SRP19: variants seen among roughly 807,000 people sequenced by gnomAD.
SRP19 encodes the protein signal recognition particle 19 kDa protein.
SRP19 carries 11 observed loss-of-function variants against 22.4 expected under a neutral mutation model. The ratio of observed to expected loss-of-function variants is 0.49; its 90% CI spans 0.31 to 0.81. The LOEUF is 0.81. SRP19 is among the 40% of genes least tolerant of loss of function. SRP19 has a pLI of 0.05. For missense variants in SRP19, 168 were observed against 175.9 expected, an observed-to-expected ratio of 0.96 and a Z score of 0.25; for synonymous variants, 61 against 57.6, an observed-to-expected ratio of 1.06 and a Z score of -0.27.
Position 112,868,175 on chromosome 5 carries a change from C to T in SRP19, c.*638C>T. The T allele has an allele frequency of 4.1e-6, 4 of 985,404 alleles. No individual in the cohort carries two copies. Among genetic ancestry groups the T allele is most frequent in the Non-Finnish European group, 4.8e-6 (4 of 829,922 alleles). 61.0% of individuals were successfully genotyped at this position (985,404 alleles called of 1,614,324 possible). A position where few individuals can be genotyped will look rare whatever the true frequency, so the allele number is the denominator to read the frequency against. ...TTTGCTTATTTTGTAGGTTTAAGAA[C>T]ATGATTTTCATGGGAGTTGTAAAAT... On this transcript the variant is annotated 3_prime_UTR_variant, in exon 5 of 5. Transcript: ENST00000505459.
downstream of SRP19, among the ~76,000 whole-genome samples, chr5:112,871,022 T>G (rs948743039): frequency 6.6e-6 from 1 of 152,080 alleles, no homozygotes; most frequent in Non-Finnish European, 1.5e-5. Flanking sequence ...CCAGCTAATT[T>G]ATGTAGTTTT....
intron 4 of SRP19, chr5:112,885,383 G>T (rs966385650): frequency 1.1e-5 from 2 of 182,902 alleles, no homozygotes; most frequent in South Asian, 2.0e-4. Context: ...AAAATGCATG[G>T]ACTCGTAGTT....
intron 4 of SRP19, among the ~76,000 whole-genome samples, chr5:112,881,027 G>A (rs778521568): frequency 6.6e-6 from 1 of 150,820 alleles, no homozygotes; most frequent in Non-Finnish European, 1.5e-5. Context: ...TACTTGGGAG[G>A]CTGAGGCAGC....
intron 4 of SRP19, among the ~76,000 whole-genome samples, chr5:112,866,855 A>G (rs1472056630): frequency 1.3e-5 from 2 of 152,242 alleles, no homozygotes; most frequent in Non-Finnish European, 2.9e-5. Flanking sequence ...TCCTATTTCC[A>G]GTAAGACCCA....
exon 5 of SRP19, chr5:112,892,153 A>C: frequency 6.2e-7 from 1 of 1,614,148 alleles, no homozygotes; most frequent in Non-Finnish European, 8.5e-7. Flanking sequence ...AGTAATGGAG[A>C]AGGATCGAGC....
chr5:112,880,170 A>C (rs1580726459), intron 4 of SRP19, among the ~76,000 whole-genome samples: 2 of 152,006 alleles, frequency 1.3e-5, no homozygotes, highest in East Asian at 3.9e-4. Flanking sequence ...CAGAGCTTTG[A>C]GAGGCTGAGG....
intron 4 of SRP19, among the ~76,000 whole-genome samples, chr5:112,884,858 GCCTA>G (rs1200552250): frequency 6.7e-6 from 1 of 149,912 alleles, no homozygotes; most frequent in Non-Finnish European, 1.5e-5. Context: ...CAATTTTACT[GCCTA>G]TCTCTCAACT....
At chr5:112,867,039 C>G (rs1051635667) in intron 4 of SRP19, among the ~76,000 whole-genome samples, 3 of 151,974 alleles carry the variant, frequency 2.0e-5, no homozygotes, top group East Asian at 1.9e-4. Flanking sequence ...TGAGAAAACC[C>G]TGTATTTCAG....
At position 112,864,533 on chromosome 5, in the gene SRP19, G is replaced by A. The variant is rs1322282571; in HGVS notation, c.189+5G>A. Reference sequence around the variant, plus strand: ...GGACTTAACGTATTTCTTGAGGTATGACGTGGTTCTTCACTATTTTCCATA... The same window carrying A: ...GGACTTAACGTATTTCTTGAGGTATAACGTGGTTCTTCACTATTTTCCATA... On this transcript the variant is annotated splice_donor_5th_base_variant and intron_variant, in intron 3 of 4. Transcript: ENST00000505459. 6.2e-7 allele frequency: 1 copy of A among 1,613,888 alleles called. No individual in the cohort carries two copies. Among genetic ancestry groups the A allele is most frequent in the Non-Finnish European group, 8.5e-7 (1 of 1,179,788 alleles).
intron 4 of SRP19, among the ~76,000 whole-genome samples, chr5:112,888,548 T>G (rs1561648957): frequency 2.0e-5 from 3 of 150,856 alleles, no homozygotes; most frequent in Admixed American, 1.3e-4. Flanking sequence ...GCCTCCCAAG[T>G]AGCTGGGAAT....
chr5:112,886,652 C>A (rs116248060), intron 4 of SRP19, among the ~76,000 whole-genome samples: 20 of 152,140 alleles, frequency 1.3e-4, no homozygotes, highest in Non-Finnish European at 2.9e-4. Flanking sequence ...GTGCTTTCTC[C>A]ATTTATTTAA....
downstream of SRP19, chr5:112,895,165 G>C (rs564448093): frequency 6.8e-6 from 1 of 147,796 alleles, no homozygotes; most frequent in African/African-American, 2.5e-5. Context: ...CTGGAACCCA[G>C]GAGGCGGAGG....
intron 1 of SRP19, chr5:112,862,269 GGGAGGGGGATCAATCAGAAAGAGGAGTA>G: frequency 5.3e-6 from 3 of 566,212 alleles, no homozygotes; most frequent in Non-Finnish European, 9.4e-6. Flanking sequence ...GATTGGTTGA[GGGAGGGGGATCAATCAGAAAGAGGAGTA>G]GGCCCGCGGC....
downstream of SRP19, among the ~76,000 whole-genome samples, chr5:112,872,623 G>A (rs933186360): frequency 6.6e-6 from 1 of 152,014 alleles, no homozygotes; most frequent in Admixed American, 6.6e-5. Flanking sequence ...CATTGTGCCC[G>A]GCCTCATCAT....
chr5:112,866,648 A>G (rs1046830610), intron 4 of SRP19, among the ~76,000 whole-genome samples: 1 of 152,176 alleles, frequency 6.6e-6, no homozygotes, highest in Non-Finnish European at 1.5e-5. Context: ...ATTGTTTTTT[A>G]TATACTAAAA....
At chr5:112,864,758 G>C in intron 4 of SRP19, 26 bp downstream of exon 4, 15 of 1,549,934 alleles carry the variant, frequency 9.7e-6, no homozygotes, top group Non-Finnish European at 1.3e-5. Context: ...TGAATCAGTG[G>C]GGCTCAGGGA....
chr5:112,861,888 G>T (rs1414386035), intron 1 of SRP19, among the ~76,000 whole-genome samples: 3 of 152,038 alleles, frequency 2.0e-5, no homozygotes, highest in African/African-American at 7.2e-5. Flanking sequence ...TATTCCTGTG[G>T]TTTTTTTCCA....
chr5:112,877,981 C>CTCTG (rs1343972694), intron 4 of SRP19: 1 of 147,530 alleles, frequency 6.8e-6, no homozygotes, highest in East Asian at 2.0e-4. Context: ...ACAGGTTACT[C>CTCTG]TGTGTGTGTG....
chr5:112,863,955 G>A lies in SRP19; in HGVS notation c.118-502G>A, dbSNP rs190451203. Among the ~76,000 whole-genome samples, 5 of 152,244 alleles carry A rather than the reference G, an allele frequency of 3.3e-5. No individual in the cohort carries two copies. The East Asian group carries it at 9.6e-4, about 29-fold the overall frequency. On this transcript the variant is annotated intron_variant, in intron 2 of 4. Coordinates refer to ENST00000505459, the MANE Select transcript of SRP19 (RefSeq NM_003135.3). ...ACCACACCTGGCCCTTTCTACTCTG[G>A]ATGGAAAATTGGATTATTTCTATTA...
Sources: gnomAD v4.1 joint callset for allele counts (sites outside exome capture counted in the v4.1 genomes callset) on GRCh38, gnomAD v4.1.1 for gene constraint, MANE v1.5 for transcripts, NCBI Gene and HGNC (gene_info 2026-07-23, HGNC 2026-07-21) for gene names.